Variants in EDC4 observed in about 807,000 individuals in gnomAD.
EDC4 encodes enhancer of mRNA-decapping protein 4.
EDC4 carries 64 observed loss-of-function variants against 155.8 expected under a neutral mutation model. That is an observed-to-expected ratio of 0.41 (90% CI 0.34 to 0.51). The LOEUF is 0.51. Among genes scored for constraint, EDC4 ranks in the 20% least tolerant of loss-of-function variants. The pLI, the probability that EDC4 is intolerant of heterozygous loss-of-function variation, is 0.19. For missense variants in EDC4, 1,303 were observed against 1,812.5 expected, an observed-to-expected ratio of 0.72 and a Z score of 5.10; for synonymous variants, 684 against 716.8, an observed-to-expected ratio of 0.95 and a Z score of 0.73.
rs879563275 is a variant in EDC4, at chr16:67,876,681, A to G, written c.351+82A>G. On this transcript the variant is annotated intron_variant, in intron 3 of 28. Transcript: ENST00000358933. This position sits in a 1 kb window ranked among gnomAD's most constrained non-coding sequence, Gnocchi z 5.8. ...AGTCTCCCTCATGCTGCCAGTTCCT[A>G]TGGGGACCACCTTGACACTTTCCCA... 9.9e-5 allele frequency: 156 copies of G among 1,579,076 alleles called. 1 individual carries two copies. The highest frequency in any genetic ancestry group is 1.3e-4 in the Non-Finnish European group (154 of 1,159,902).
At position 67,882,154 on chromosome 16, in the gene EDC4, T is replaced by A; in HGVS notation, c.3160+45T>A. The A allele has an allele frequency of 6.2e-7, 1 of 1,612,968 alleles. No homozygotes were observed. The highest frequency in any genetic ancestry group is 8.5e-7 in the Non-Finnish European group (1 of 1,179,748). ...TCCCTTTGGGTGGTTCAGGTGGGAG[T>A]GGGGTACCTGTCAAGCTTCTTCTCA... On this transcript the variant is annotated intron_variant, in intron 23 of 28. Coordinates refer to ENST00000358933, the MANE Select transcript of EDC4 (RefSeq NM_014329.5). This position sits in a 1 kb window ranked among gnomAD's most constrained non-coding sequence, Gnocchi z 7.2.
At position 67,881,193 on chromosome 16, in the gene EDC4, C is replaced by CTACACCATT. The variant is rs1430947874; in HGVS notation, c.2636+14_2636+22dup. 2.2e-5 allele frequency: 35 copies of CTACACCATT among 1,614,016 alleles called. No individual in the cohort carries two copies. The highest frequency in any genetic ancestry group is 3.0e-5 in the Non-Finnish European group (35 of 1,180,044). On this transcript the variant is annotated intron_variant, in intron 19 of 28. Transcript: ENST00000358933. This position sits in a 1 kb window ranked among gnomAD's most constrained non-coding sequence, Gnocchi z 5.4. Reference sequence around the variant, plus strand: ...GTGCTGAGCAAAGGTGGGAGCCACTCTACACCATTGCCCTCATGGGGGGAT... The same window carrying CTACACCATT: ...GTGCTGAGCAAAGGTGGGAGCCACTCTACACCATTTACACCATTGCCCTCATGGGGGGAT...
chr16:67,884,139 C>G lies in EDC4; in HGVS notation c.4197C>G (p.Ser1399Arg). The G allele has an allele frequency of 1.9e-6, 3 of 1,608,098 alleles. No homozygotes were observed. The highest frequency in any genetic ancestry group is 2.6e-6 in the Non-Finnish European group (3 of 1,176,374). Residue 1399 changes from serine (S) to arginine (R), a missense_variant, in exon 29 of 29, where the codon AGC becomes AGG. Ser to Arg is a moderately radical substitution (Grantham distance 110). Coordinates refer to ENST00000358933, the MANE Select transcript of EDC4 (RefSeq NM_014329.5). The surrounding 1 kb of genome is among the most constrained non-coding windows in gnomAD (Gnocchi z 4.1). ...SLMLHGLVTP[S>R]LP Reference sequence around the variant, plus strand: ...TGCTGCATGGCCTCGTGACCCCCAGCCTCCCTTAGCTGCTAAGCCTGCCTT... The same window carrying G: ...TGCTGCATGGCCTCGTGACCCCCAGGCTCCCTTAGCTGCTAAGCCTGCCTT...
chr16:67,881,645 G>A lies in EDC4; in HGVS notation c.2827-23G>A, dbSNP rs1332581299. 1 of 1,610,520 alleles carries A rather than the reference G, an allele frequency of 6.2e-7. No homozygotes were observed. The highest frequency in any genetic ancestry group is 1.3e-5 in the African/African-American group (1 of 74,856). ...TGGGAATAGGTGGGGCAGGCATCGT[G>A]TGACTGTCAGTGCTACTGACAGGTG... is the stretch of plus-strand genomic sequence containing the variant. On this transcript the variant is annotated intron_variant, in intron 21 of 28. Transcript: ENST00000358933. The surrounding 1 kb of genome is among the most constrained non-coding windows in gnomAD (Gnocchi z 5.4).
Position 67,878,427 on chromosome 16 carries a change from A to G in EDC4, c.1072A>G (p.Lys358Glu). 6.2e-7 allele frequency: 1 copy of G among 1,614,148 alleles called. No individual in the cohort carries two copies. Among genetic ancestry groups the G allele is most frequent in the East Asian group, 2.2e-5 (1 of 44,884 alleles). ...CTGCCTCCTGTTCTGTGACAACCAT[A>G]AGAAACAAGACCCTGAGTGAGTGAG... ...LSCLLFCDNHKKQDPDVPFWR... is the reference protein window; with the variant it reads ...LSCLLFCDNHEKQDPDVPFWR... Residue 358 changes from lysine (K) to glutamate (E), a missense_variant, in exon 9 of 29, where the codon AAG (lysine) becomes GAG (glutamate). Physicochemically the swap from Lys to Glu is moderately conservative, Grantham distance 56 (BLOSUM62 1). This residue lies in a region of EDC4 where 235 missense variants were observed against 367.7 expected (regional missense o/e 0.64). Transcript: ENST00000358933. This position sits in a 1 kb window ranked among gnomAD's most constrained non-coding sequence, Gnocchi z 5.2.
intron 1 of EDC4, among the ~76,000 whole-genome samples, chr16:67,874,428 G>T (rs955484376): frequency 2.0e-5 from 3 of 152,190 alleles, no homozygotes; most frequent in Non-Finnish European, 4.4e-5. Flanking sequence ...TCCATCTGCT[G>T]CCTGAGACCA....
Position 67,880,373 on chromosome 16 carries a change from T to A in EDC4, c.2097+157T>A. ...CATTTCACCCTCCTGTGTTTCCTGG[T>A]GGGTGTCTCCTCAGCCTCCCTGTCC... is the stretch of plus-strand genomic sequence containing the variant. On this transcript the variant is annotated intron_variant, in intron 17 of 28. Coordinates refer to ENST00000358933, the MANE Select transcript of EDC4 (RefSeq NM_014329.5). This position sits in a 1 kb window ranked among gnomAD's most constrained non-coding sequence, Gnocchi z 5.2. 1 of 1,352,386 alleles carries A rather than the reference T, an allele frequency of 7.4e-7. No individual in the cohort carries two copies. The highest frequency in any genetic ancestry group is 1.5e-5 in the African/African-American group (1 of 68,600). The allele number at this position is 1,352,386 out of a possible 1,614,324, so 83.8% of individuals were successfully genotyped here. A position where few individuals can be genotyped will look rare whatever the true frequency, so the allele number is the denominator to read the frequency against.
chr16:67,878,949 C>T lies in EDC4; in HGVS notation c.1288-8C>T, dbSNP rs755591894. 21 of 1,609,804 alleles carry T rather than the reference C, an allele frequency of 1.3e-5. No individual in the cohort carries two copies. The highest frequency in any genetic ancestry group is 6.7e-5 in the Admixed American group (4 of 59,964). On this transcript the variant is annotated splice_region_variant and splice_polypyrimidine_tract_variant and intron_variant, in intron 11 of 28. Transcript: ENST00000358933. The surrounding 1 kb of genome is among the most constrained non-coding windows in gnomAD (Gnocchi z 5.2). ...CTGAGCTCAGCTAGGAACGTTCTGCCTGTGCAGGTCCTCTATGTGATGGAG... is the reference window on the plus strand; with the variant it reads ...CTGAGCTCAGCTAGGAACGTTCTGCTTGTGCAGGTCCTCTATGTGATGGAG...
rs2058043095 is a variant in EDC4 at position 67,876,728 on chromosome 16, G to A, written c.351+129G>A. ...CCCAGTTTCAGGAAGCCAGGGCTGGGTGCCAAGCCTCTGTGGGAGTCTGGC... is the reference window on the plus strand; with the variant it reads ...CCCAGTTTCAGGAAGCCAGGGCTGGATGCCAAGCCTCTGTGGGAGTCTGGC... On this transcript the variant is annotated intron_variant, in intron 3 of 28. Coordinates refer to ENST00000358933, the MANE Select transcript of EDC4 (RefSeq NM_014329.5). This position sits in a 1 kb window ranked among gnomAD's most constrained non-coding sequence, Gnocchi z 5.8. 5.8e-6 allele frequency: 9 copies of A among 1,556,128 alleles called. No homozygotes were observed. Among genetic ancestry groups the A allele is most frequent in the Non-Finnish European group, 7.8e-6 (9 of 1,149,082 alleles).
chr16:67,882,059 G>A lies in EDC4; in HGVS notation c.3110G>A (p.Gly1037Glu). ...CAAGCACTGTCGTCAGCTGTAGCTG[G>A]GCGGCTAGAGCGCAGCATACGGGAT... Reference protein sequence around the residue: ...LSQALSSAVAGRLERSIRDEI... With the variant: ...LSQALSSAVAERLERSIRDEI... The change falls in exon 23 of 29, where the codon GGG (glycine) becomes GAG (glutamate). Residue 1037 changes from glycine (G) to glutamate (E), a missense_variant. This residue lies in a region of EDC4 where 527 missense variants were observed against 757.0 expected (regional missense o/e 0.70). Transcript: ENST00000358933. This position sits in a 1 kb window ranked among gnomAD's most constrained non-coding sequence, Gnocchi z 7.2. 6.2e-6 allele frequency: 10 copies of A among 1,612,960 alleles called. No individual in the cohort carries two copies. The highest frequency in any genetic ancestry group is 8.5e-6 in the Non-Finnish European group (10 of 1,179,726).
chr16:67,881,039 T>A lies in EDC4; in HGVS notation c.2532-37T>A. On this transcript the variant is annotated intron_variant, in intron 18 of 28. Coordinates refer to ENST00000358933, the MANE Select transcript of EDC4 (RefSeq NM_014329.5). This position sits in a 1 kb window ranked among gnomAD's most constrained non-coding sequence, Gnocchi z 5.4. Reference sequence around the variant, plus strand: ...GTGTGCTAGCAGGAGGGGCTTCAGATAGATTCATCCATGGCTAAGTTGGCC... The same window carrying A: ...GTGTGCTAGCAGGAGGGGCTTCAGAAAGATTCATCCATGGCTAAGTTGGCC... 1 of 1,613,902 alleles carries A rather than the reference T, an allele frequency of 6.2e-7. No individual in the cohort carries two copies. The highest frequency in any genetic ancestry group is 8.5e-7 in the Non-Finnish European group (1 of 1,179,986).
chr16:67,883,786 G>A lies in EDC4; in HGVS notation c.4013+55G>A. On this transcript the variant is annotated intron_variant, in intron 28 of 28. Coordinates refer to ENST00000358933, the MANE Select transcript of EDC4 (RefSeq NM_014329.5). The surrounding 1 kb of genome is among the most constrained non-coding windows in gnomAD (Gnocchi z 5.3). Reference sequence around the variant, plus strand: ...TGAGCTGGGGAGTGGGGCAGTGGGAGGGAGCAGTTTGAAGCTGACGCCCAC... The same window carrying A: ...TGAGCTGGGGAGTGGGGCAGTGGGAAGGAGCAGTTTGAAGCTGACGCCCAC... 1 of 1,597,434 alleles carries A rather than the reference G, an allele frequency of 6.3e-7. No individual in the cohort carries two copies. Among genetic ancestry groups the A allele is most frequent in the South Asian group, 1.1e-5 (1 of 90,534 alleles).
intron 1 of EDC4, among the ~76,000 whole-genome samples, chr16:67,874,017 G>T (rs1243583369): frequency 1.3e-5 from 2 of 152,192 alleles, no homozygotes; most frequent in African/African-American, 4.8e-5. Context: ...CAGCTAACAG[G>T]GTTGTAATAT....
Position 67,876,170 on chromosome 16 carries a change from A to C in EDC4, c.239+69A>C, listed in dbSNP as rs1041587887. 3.3e-6 allele frequency: 5 copies of C among 1,521,518 alleles called. No homozygotes were observed. Among genetic ancestry groups the C allele is most frequent in the Non-Finnish European group, 4.5e-6 (5 of 1,105,158 alleles). 94.3% of individuals were successfully genotyped at this position (1,521,518 alleles called of 1,614,324 possible). A position where few individuals can be genotyped will look rare whatever the true frequency, so the allele number is the denominator to read the frequency against. ...GGTGTCTGCTAGCTGAAGGCATGAG[A>C]TGGGGAGTGAGCGGGGCCAGCAGCC... On this transcript the variant is annotated intron_variant, in intron 2 of 28. Coordinates refer to ENST00000358933, the MANE Select transcript of EDC4 (RefSeq NM_014329.5). This position sits in a 1 kb window ranked among gnomAD's most constrained non-coding sequence, Gnocchi z 5.8.
rs778704246 is a variant in EDC4, at chr16:67,880,266, C to G, written c.2097+50C>G. On this transcript the variant is annotated intron_variant, in intron 17 of 28. Transcript: ENST00000358933. The surrounding 1 kb of genome is among the most constrained non-coding windows in gnomAD (Gnocchi z 5.2). ...AGTGTGGGGAGCAGGTGGGCAGCAG[C>G]AGGGAAGGTGGGTGGTGGGCTCCTC... 3.2e-6 allele frequency: 5 copies of G among 1,545,996 alleles called. No individual in the cohort carries two copies. In the African/African-American group the frequency reaches 5.4e-5, roughly 17 times the overall value.
chr16:67,876,552 G>A lies in EDC4; in HGVS notation c.304G>A (p.Ala102Thr). ...GILAKEVEIVASSDSSISSKA... is the reference protein window; with the variant it reads ...GILAKEVEIVTSSDSSISSKA... ...TTTGGCCAAGGAGGTGGAGATTGTG[G>A]CTAGCAGTGACTCTAGCATTTCAAG... is the stretch of plus-strand genomic sequence containing the variant. The change falls in exon 3 of 29, where the codon GCT becomes ACT. Residue 102 changes from alanine to threonine, a missense_variant. Physicochemically the swap from Ala to Thr is moderately conservative, Grantham distance 58 (BLOSUM62 0). Transcript: ENST00000358933. The surrounding 1 kb of genome is among the most constrained non-coding windows in gnomAD (Gnocchi z 5.8). 2 of 1,614,082 alleles carry A rather than the reference G, an allele frequency of 1.2e-6. No homozygotes were observed. The highest frequency in any genetic ancestry group is 1.7e-6 in the Non-Finnish European group (2 of 1,180,000).
Position 67,882,268 on chromosome 16 carries a change from A to G in EDC4, c.3217A>G (p.Lys1073Glu), listed in dbSNP as rs2058071604. The change falls in exon 24 of 29, where the codon AAG becomes GAG. Residue 1073 changes from lysine (K) to glutamate (E), a missense_variant. Lys to Glu is a moderately conservative substitution (Grantham distance 56, BLOSUM62 1). Coordinates refer to ENST00000358933, the MANE Select transcript of EDC4 (RefSeq NM_014329.5). This position sits in a 1 kb window ranked among gnomAD's most constrained non-coding sequence, Gnocchi z 7.2. ...CCAACTGAGCAACTCAGTGGCTACC[A>G]AGCTCACAGCTGTGGAGGGCAGCAT... ...AGQLSNSVATKLTAVEGSMKE... is the reference protein window; with the variant it reads ...AGQLSNSVATELTAVEGSMKE... The G allele has an allele frequency of 6.2e-7, 1 of 1,613,356 alleles. No homozygotes were observed.
At position 67,881,995 on chromosome 16, in the gene EDC4, G is replaced by A; in HGVS notation, c.3046G>A (p.Gly1016Arg). 2 of 1,610,904 alleles carry A rather than the reference G, an allele frequency of 1.2e-6. No homozygotes were observed. Among genetic ancestry groups the A allele is most frequent in the Non-Finnish European group, 1.7e-6 (2 of 1,178,798 alleles). ...ERALAEGQQRGGQLQEQLTQQ... is the reference protein window; with the variant it reads ...ERALAEGQQRRGQLQEQLTQQ... ...AGCACTGGCTGAGGGGCAGCAGCGGGGAGGGCAGCTGCAGGAGCAGCTGAC... is the reference window on the plus strand; with the variant it reads ...AGCACTGGCTGAGGGGCAGCAGCGGAGAGGGCAGCTGCAGGAGCAGCTGAC... Residue 1016 changes from glycine to arginine, a missense_variant, in exon 23 of 29, where the codon GGA becomes AGA. By Grantham distance (125) the Gly-to-Arg change is moderately radical. This residue lies in a region of EDC4 where 527 missense variants were observed against 757.0 expected (regional missense o/e 0.70). Transcript: ENST00000358933. This position sits in a 1 kb window ranked among gnomAD's most constrained non-coding sequence, Gnocchi z 5.4.
In EDC4 at chr16:67,880,981, T is replaced by C. The variant is rs778326615; in HGVS notation, c.2522T>C (p.Leu841Pro). The C allele has an allele frequency of 1.2e-6, 2 of 1,613,502 alleles. No homozygotes were observed. The highest frequency in any genetic ancestry group is 1.7e-6 in the Non-Finnish European group (2 of 1,179,676). ...PDITRETCST[L>P]AESPRNGLQE... ...ATTACTCGTGAGACCTGCAGCACCC[T>C]GGCAGAAAGGTGAGGAGCTTGGGAG... Residue 841 changes from leucine to proline, a missense_variant, in exon 18 of 29, where the codon CTG becomes CCG. Physicochemically the swap from Leu to Pro is moderately conservative, Grantham distance 98. This residue lies in a region of EDC4 where 527 missense variants were observed against 757.0 expected (regional missense o/e 0.70). Transcript: ENST00000358933. This position sits in a 1 kb window ranked among gnomAD's most constrained non-coding sequence, Gnocchi z 5.2.
Sources: allele counts gnomAD v4.1 joint callset (sites outside exome capture counted in the v4.1 genomes callset), GRCh38; gene constraint gnomAD v4.1.1; regional missense constraint gnomAD v4.1.1; non-coding constraint Gnocchi (gnomAD v3.1); transcripts MANE v1.5; gene names NCBI Gene and HGNC (gene_info 2026-07-23, HGNC 2026-07-21).